ADAMTS17: variants seen among roughly 807,000 people sequenced by gnomAD.
ADAMTS17 encodes the protein ADAM metallopeptidase with thrombospondin type 1 motif 17, also known as A disintegrin and metalloproteinase with thrombospondin motifs 17.
Under a neutral mutation model 141.5 loss-of-function variants are expected in ADAMTS17, and 113 were observed. The observed-to-expected ratio is 0.80, with a 90% CI of 0.69 to 0.93. The LOEUF (loss-of-function observed/expected upper bound fraction) is 0.93, where lower values mean the gene tolerates loss of function less well. Ranked by LOEUF, ADAMTS17 falls within the 40% of genes least tolerant of loss-of-function variation. ADAMTS17 has a pLI of 0.00. For synonymous variants in ADAMTS17, 768 were observed against 630.6 expected, an observed-to-expected ratio of 1.22 and a Z score of -3.27; for missense variants, 1,659 against 1,517.9, an observed-to-expected ratio of 1.09 and a Z score of -1.54.
intron 7 of ADAMTS17, among the ~76,000 whole-genome samples, chr15:100,205,103 C>A (rs1340931965): frequency 6.6e-6 from 1 of 152,128 alleles, no homozygotes; most frequent in African/African-American, 2.4e-5. Flanking sequence ...GAGACCACAG[C>A]TTAGGACACA....
intron 7 of ADAMTS17, among the ~76,000 whole-genome samples, chr15:100,205,978 C>T (rs376996678): frequency 3.3e-5 from 5 of 152,218 alleles, no homozygotes; most frequent in South Asian, 2.1e-4. Context: ...CTGAGCCACG[C>T]ACCCACTGAT....
intron 18 of ADAMTS17, among the ~76,000 whole-genome samples, chr15:100,001,396 A>C (rs1257878735): frequency 6.6e-6 from 1 of 151,116 alleles, no homozygotes; most frequent in Non-Finnish European, 1.5e-5. Flanking sequence ...TGGAGCACAG[A>C]GAATTTTTAG....
At chr15:100,166,686 G>A (rs773673296) in intron 8 of ADAMTS17, among the ~76,000 whole-genome samples, 3 of 152,190 alleles carry the variant, frequency 2.0e-5, no homozygotes, top group Non-Finnish European at 4.4e-5. Flanking sequence ...AAACTCCTGG[G>A]CTTGTTTTCC....
chr15:100,059,636 T>C (rs551954481), intron 15 of ADAMTS17, among the ~76,000 whole-genome samples: 2 of 152,228 alleles, frequency 1.3e-5, no homozygotes, highest in South Asian at 4.2e-4. Context: ...TTTTTAACAG[T>C]GAATAAATAG....
chr15:100,199,194 C>G (rs1489472161), intron 8 of ADAMTS17, 124 bp downstream of exon 8: 2 of 890,452 alleles, frequency 2.2e-6, no homozygotes, highest in Admixed American at 3.7e-5. Flanking sequence ...TGACCTGGGT[C>G]CTTTATTGCA....
intron 7 of ADAMTS17, among the ~76,000 whole-genome samples, chr15:100,209,116 A>AAAAT (rs2041697113): frequency 8.3e-6 from 1 of 119,830 alleles, no homozygotes; most frequent in Non-Finnish European, 1.7e-5. Flanking sequence ...AAGTTAGCAA[A>AAAAT]AAAAAAAAAA....
chr15:100,173,965 C>A (rs1365042369), intron 8 of ADAMTS17, among the ~76,000 whole-genome samples: 1 of 152,234 alleles, frequency 6.6e-6, no homozygotes, highest in Non-Finnish European at 1.5e-5. Context: ...AGAGCCGCAG[C>A]TTTCTCCTAC....
intron 18 of ADAMTS17, among the ~76,000 whole-genome samples, chr15:100,028,787 C>T (rs1395801285): frequency 1.3e-5 from 2 of 152,196 alleles, no homozygotes; most frequent in Non-Finnish European, 2.9e-5. Context: ...TCTTGAGCTG[C>T]CATGCTCTTT....
intron 2 of ADAMTS17, among the ~76,000 whole-genome samples, chr15:100,334,478 T>C (rs1461685730): frequency 1.3e-5 from 2 of 152,174 alleles, no homozygotes; most frequent in Non-Finnish European, 1.5e-5. Context: ...GTTTGCTTCC[T>C]GTAGGGACCA....
intron 4 of ADAMTS17, among the ~76,000 whole-genome samples, chr15:100,273,724 C>A (rs1350796025): frequency 6.6e-6 from 1 of 152,128 alleles, no homozygotes; most frequent in Admixed American, 6.5e-5. Context: ...TCAAAGCTAG[C>A]AGAAGGAATA....
At chr15:100,098,387 G>A (rs112991085) in intron 14 of ADAMTS17, among the ~76,000 whole-genome samples, 5,548 of 152,172 alleles carry the variant, frequency 0.036, 296 homozygotes, top group African/African-American at 0.12. Context: ...GGTGGCTCAC[G>A]CCTGTAATCC....
chr15:100,261,457 T>C, intron 6 of ADAMTS17, 22 bp downstream of exon 6: 1 of 1,613,688 alleles, frequency 6.2e-7, no homozygotes, highest in Non-Finnish European at 8.5e-7. Context: ...ACATGTCAGC[T>C]ACAGGCCAAA....
chr15:100,048,713 T>A (rs2031905716), intron 18 of ADAMTS17, 144 bp downstream of exon 18: 2 of 1,336,126 alleles, frequency 1.5e-6, no homozygotes, highest in South Asian at 2.6e-5. Flanking sequence ...TTTGGTAATT[T>A]GAGCAAGCGG....
chr15:100,331,147 T>A (rs1441575516), intron 2 of ADAMTS17, 93 bp from the exon 3 acceptor site: 1 of 1,522,878 alleles, frequency 6.6e-7, no homozygotes, highest in East Asian at 2.4e-5. Context: ...CACCTTGCTG[T>A]GATTTGGTTT....
At chr15:100,114,703 A>C (rs1158342930) in intron 13 of ADAMTS17, among the ~76,000 whole-genome samples, 1 of 152,178 alleles carries the variant, frequency 6.6e-6, no homozygotes, top group African/African-American at 2.4e-5. Flanking sequence ...ACTTAGGCAG[A>C]GAGAAACAGA....
rs76639013 is a variant in ADAMTS17 at position 100,325,695 on chromosome 15, C to T, written c.616+5194G>A. Among the ~76,000 whole-genome samples the T allele has an allele frequency of 7.4e-3, 1,130 of 152,302 alleles. 13 individuals carry two copies. Among genetic ancestry groups the T allele is most frequent in the African/African-American group, 0.025 (1,054 of 41,564 alleles). ...GTTCCCTTCTCTCTTGCTCCCTTCT[C>T]TCCCCATGTGACACGCTGGCTCCCC... On this transcript the variant is annotated intron_variant, in intron 3 of 21. Coordinates refer to ENST00000268070, the MANE Select transcript of ADAMTS17 (RefSeq NM_139057.4).
Position 100,341,428 on chromosome 15 carries a change from C to A in ADAMTS17, c.80-19G>T, listed in dbSNP as rs1486839493. 4 of 1,013,686 alleles carry A rather than the reference C, an allele frequency of 3.9e-6. No homozygotes were observed. Among genetic ancestry groups the A allele is most frequent in the Non-Finnish European group, 4.7e-6 (4 of 850,192 alleles). The allele number at this position is 1,013,686 out of a possible 1,614,324, so 62.8% of individuals were successfully genotyped here. ...CCGACAGCTGCGGGGAGAGAGGAGA[C>A]GCGTCAGCGCGGCGGGGCCCGCCCG... On this transcript the variant is annotated intron_variant, in intron 1 of 21. Transcript: ENST00000268070.
intron 15 of ADAMTS17, among the ~76,000 whole-genome samples, chr15:100,060,740 G>C (rs1261965809): frequency 2.0e-5 from 3 of 152,208 alleles, no homozygotes; most frequent in Admixed American, 6.5e-5. Context: ...GATACAAACT[G>C]CCCAGGCATT....
At chr15:100,083,980 T>G (rs533637385) in intron 15 of ADAMTS17, among the ~76,000 whole-genome samples, 5 of 151,410 alleles carry the variant, frequency 3.3e-5, no homozygotes, top group African/African-American at 1.2e-4. Context: ...CACTGGGGAG[T>G]GCTGGACAGT....
Sources: allele counts gnomAD v4.1 joint callset (sites outside exome capture counted in the v4.1 genomes callset), GRCh38; gene constraint gnomAD v4.1.1; transcripts MANE v1.5; gene names NCBI Gene and HGNC (gene_info 2026-07-23, HGNC 2026-07-21).